FHL5: variants seen among roughly 807,000 people sequenced by gnomAD.
FHL5 encodes the protein four and a half LIM domains 5, also known as four and a half LIM domains protein 5.
FHL5 carries 33 observed loss-of-function variants against 32.0 expected under a neutral mutation model. That is an observed-to-expected ratio of 1.03 (90% CI 0.78 to 1.38). The LOEUF (loss-of-function observed/expected upper bound fraction) is 1.38. FHL5 is among the 40% of genes most tolerant of loss of function. The probability of loss-of-function intolerance (pLI) is 0.00; values close to 1 mark genes in which losing one functional copy is unlikely to be tolerated. For synonymous variants in FHL5, 114 were observed against 113.6 expected (o/e 1.00, Z -0.02); for missense variants, 336 against 343.9 (o/e 0.98, Z 0.18).
At position 96,604,769 on chromosome 6, in the gene FHL5, G is replaced by A. The variant is rs770381788; in HGVS notation, c.179G>A (p.Arg60Gln). The A allele has an allele frequency of 2.1e-5, 34 of 1,610,588 alleles. No individual in the cohort carries two copies. Among genetic ancestry groups the A allele is most frequent in the African/African-American group, 9.4e-5 (7 of 74,706 alleles). ...SDSKDLCYKD[R>Q]HWHEGCFKCT... The stretch of plus-strand genomic sequence containing the variant: ...TCAAAGGATCTTTGTTACAAAGACC[G>A]GCACTGGCATGAAGGATGCTTCAAG... The change falls in exon 3 of 6, where the codon CGG becomes CAG. Residue 60 changes from arginine to glutamine, a missense_variant. Physicochemically the swap from Arg to Gln is conservative, Grantham distance 43. Coordinates refer to ENST00000450218, the MANE Select transcript of FHL5 (RefSeq NM_001322466.2).
At chr6:96,591,193 C>A (rs909399829) in intron 1 of FHL5, among the ~76,000 whole-genome samples, 3 of 152,064 alleles carry the variant, frequency 2.0e-5, no homozygotes, top group Admixed American at 2.0e-4. Context: ...ACTGGTAAAG[C>A]CACTTTGGCT....
In FHL5 at chr6:96,603,770, A is replaced by T; in HGVS notation, c.157A>T (p.Lys53Ter). ...ECKKPIESDS[K>*]DLCYKDRHWH... is the part of the protein sequence containing the mutation. ...CAAAAAACCAATTGAATCTGATTCT[A>T]AGGTAAGTCTCACCTCAATTTACAG... Residue 53 changes from lysine to a stop codon, truncating the protein, a stop_gained and splice_region_variant, in exon 2 of 6, where the codon AAG (lysine) becomes TAG (stop). Transcript: ENST00000450218. LOFTEE classifies it high-confidence loss of function. 1 of 1,606,790 alleles carries T rather than the reference A, an allele frequency of 6.2e-7. No individual in the cohort carries two copies. Among genetic ancestry groups the T allele is most frequent in the Non-Finnish European group, 8.5e-7 (1 of 1,176,470 alleles).
intron 4 of FHL5, among the ~76,000 whole-genome samples, chr6:96,608,127 G>T (rs1421963747): frequency 2.0e-5 from 3 of 152,190 alleles, no homozygotes; most frequent in Admixed American, 1.3e-4. Context: ...GACTAAAACA[G>T]TAATGATATT....
At chr6:96,570,825 C>T (rs899433668) in intron 1 of FHL5, among the ~76,000 whole-genome samples, 1 of 151,930 alleles carries the variant, frequency 6.6e-6, no homozygotes, top group African/African-American at 2.4e-5. Context: ...AATTCTTCAA[C>T]TGCAGGATTC....
At chr6:96,599,189 A>G (rs1771096904) in intron 1 of FHL5, among the ~76,000 whole-genome samples, 1 of 143,336 alleles carries the variant, frequency 7.0e-6, no homozygotes, top group African/African-American at 2.7e-5. Context: ...GTGAACTTAC[A>G]TCTTTTTTTT....
At chr6:96,574,901 A>G (rs775458018) in intron 1 of FHL5, among the ~76,000 whole-genome samples, 3 of 152,228 alleles carry the variant, frequency 2.0e-5, no homozygotes, top group Non-Finnish European at 2.9e-5. Context: ...TTATGTTATT[A>G]TCAGAATTCC....
Position 96,582,332 on chromosome 6 carries a change from A to T in FHL5, c.-13+18977A>T, listed in dbSNP as rs140892085. Among the ~76,000 whole-genome samples the T allele has an allele frequency of 5.8e-3, 876 of 152,052 alleles. 10 individuals carry two copies. The highest frequency in any genetic ancestry group is 0.055 in the South Asian group (265 of 4,810). On this transcript the variant is annotated intron_variant, in intron 1 of 5. Transcript: ENST00000450218. Reference sequence around the variant, plus strand: ...AGGCAATACTCTCATGGTCTTGAAAATTTTCTTATATCCCAGTGAGAAAAA... The same window carrying T: ...AGGCAATACTCTCATGGTCTTGAAATTTTTCTTATATCCCAGTGAGAAAAA...
rs1771547336 is a variant in FHL5, at chr6:96,617,487, A to T, written c.*1715A>T. Reference sequence around the variant, plus strand: ...GTTCTGCTAGATAGACTATTTGAAAACTATAAATGTATTTTTGGATTAACA... The same window carrying T: ...GTTCTGCTAGATAGACTATTTGAAATCTATAAATGTATTTTTGGATTAACA... On this transcript the variant is annotated 3_prime_UTR_variant, in exon 6 of 6. Coordinates refer to ENST00000450218, the MANE Select transcript of FHL5 (RefSeq NM_001322466.2). 6.6e-6 allele frequency among the ~76,000 whole-genome samples: 1 copy of T among 152,202 alleles called. No individual in the cohort carries two copies. The highest frequency in any genetic ancestry group is 2.4e-5 in the African/African-American group (1 of 41,460).
intron 5 of FHL5, among the ~76,000 whole-genome samples, chr6:96,614,606 A>T (rs1446753006): frequency 6.6e-6 from 1 of 152,248 alleles, no homozygotes; most frequent in Non-Finnish European, 1.5e-5. Flanking sequence ...TATGAATTAC[A>T]TAACTCTTTT....
intron 4 of FHL5, among the ~76,000 whole-genome samples, chr6:96,610,039 G>T (rs1196815049): frequency 2.0e-5 from 3 of 152,164 alleles, no homozygotes; most frequent in Non-Finnish European, 2.9e-5. Flanking sequence ...TACTGCTGTT[G>T]GATATTCTTG....
At chr6:96,580,964 C>A (rs1770684764) in intron 1 of FHL5, among the ~76,000 whole-genome samples, 1 of 152,070 alleles carries the variant, frequency 6.6e-6, no homozygotes, top group Non-Finnish European at 1.5e-5. Flanking sequence ...CCATGTACTA[C>A]TAGAAGAGAA....
At chr6:96,569,914 G>C (rs1770440277) in intron 1 of FHL5, among the ~76,000 whole-genome samples, 1 of 151,372 alleles carries the variant, frequency 6.6e-6, no homozygotes, top group Non-Finnish European at 1.5e-5. Flanking sequence ...ATTGATAAGT[G>C]AGGACTTAAC....
rs1770285438 is a variant in FHL5, at chr6:96,563,262, G to T, written c.-106G>T. 6.6e-6 allele frequency: 1 copy of T among 152,130 alleles called. No individual in the cohort carries two copies. Among genetic ancestry groups the T allele is most frequent in the Non-Finnish European group, 1.5e-5 (1 of 68,050 alleles). 9.4% of individuals were successfully genotyped at this position (152,130 alleles called of 1,614,324 possible). Reference sequence around the variant, plus strand: ...TGCTGGTGACTTTCTGTTCCTTTTGGAGTTGACATGCATGTGGATTGGAGG... The same window carrying T: ...TGCTGGTGACTTTCTGTTCCTTTTGTAGTTGACATGCATGTGGATTGGAGG... On this transcript the variant is annotated 5_prime_UTR_variant, in exon 1 of 6. Coordinates refer to ENST00000450218, the MANE Select transcript of FHL5 (RefSeq NM_001322466.2).
intron 4 of FHL5, among the ~76,000 whole-genome samples, chr6:96,606,711 G>T (rs2127973739): frequency 6.6e-6 from 1 of 152,204 alleles, no homozygotes; most frequent in Non-Finnish European, 1.5e-5. Context: ...GTCTCTCTTT[G>T]AATACAGATG....
In FHL5 at chr6:96,617,029, T is replaced by C. The variant is rs568668769; in HGVS notation, c.*1257T>C. Among the ~76,000 whole-genome samples the C allele has an allele frequency of 1.4e-4, 21 of 152,218 alleles. No homozygotes were observed. The highest frequency in any genetic ancestry group is 3.9e-4 in the East Asian group (2 of 5,176). Reference sequence around the variant, plus strand: ...CCTAAGCAACTGTCCTATAAGTCAGTCAGTGTTTATTGATCACACAGGAAG... The same window carrying C: ...CCTAAGCAACTGTCCTATAAGTCAGCCAGTGTTTATTGATCACACAGGAAG... On this transcript the variant is annotated 3_prime_UTR_variant, in exon 6 of 6. Coordinates refer to ENST00000450218, the MANE Select transcript of FHL5 (RefSeq NM_001322466.2).
chr6:96,598,894 C>T (rs189388476), intron 1 of FHL5, among the ~76,000 whole-genome samples: 13 of 152,204 alleles, frequency 8.5e-5, no homozygotes, highest in East Asian at 5.8e-4. Context: ...GTTTTTCAAA[C>T]GCATTAATAA....
Position 96,586,809 on chromosome 6 carries a change from T to C in FHL5, c.-12-16793T>C, listed in dbSNP as rs576030181. Among the ~76,000 whole-genome samples the C allele has an allele frequency of 8.7e-4, 133 of 152,166 alleles. 1 individual carries two copies. The highest frequency in any genetic ancestry group is 3.1e-3 in the African/African-American group (128 of 41,538). Reference sequence around the variant, plus strand: ...CAATTCTGACTAAAAAAAAATAAGATGAGCAAACTTAACACTTGTGTGCCA... The same window carrying C: ...CAATTCTGACTAAAAAAAAATAAGACGAGCAAACTTAACACTTGTGTGCCA... On this transcript the variant is annotated intron_variant, in intron 1 of 5. Transcript: ENST00000450218.
At chr6:96,602,348 G>A (rs1381762495) in intron 1 of FHL5, among the ~76,000 whole-genome samples, 6 of 143,978 alleles carry the variant, frequency 4.2e-5, no homozygotes, top group Non-Finnish European at 7.5e-5. Flanking sequence ...AGGAAAAGCA[G>A]TGCTAATTTT....
At position 96,618,557 on chromosome 6, in the gene FHL5, A is replaced by G. The variant is rs529365744; in HGVS notation, c.*2785A>G. The stretch of plus-strand genomic sequence containing the variant: ...GATCCTTTGTGGAATAGAACCAAAG[A>G]AAGCAAGGTTCCAAGGATTAAGTTT... On this transcript the variant is annotated 3_prime_UTR_variant, in exon 6 of 6. Coordinates refer to ENST00000450218, the MANE Select transcript of FHL5 (RefSeq NM_001322466.2). Among the ~76,000 whole-genome samples, 1 of 152,328 alleles carries G rather than the reference A, an allele frequency of 6.6e-6. No homozygotes were observed. Among genetic ancestry groups the G allele is most frequent in the Admixed American group, 6.5e-5 (1 of 15,292 alleles).
Sources: allele counts gnomAD v4.1 joint callset (sites outside exome capture counted in the v4.1 genomes callset), GRCh38; gene constraint gnomAD v4.1.1; transcripts MANE v1.5; gene names NCBI Gene and HGNC (gene_info 2026-07-23, HGNC 2026-07-21).